Variants in TBC1D1 observed in about 807,000 individuals in gnomAD.
TBC1D1 encodes TBC1 domain family member 1.
TBC1D1 carries 89 observed loss-of-function variants against 125.6 expected under a neutral mutation model. The observed-to-expected ratio is 0.71, with a 90% CI of 0.60 to 0.85. The LOEUF is 0.85. Ranked by LOEUF, TBC1D1 falls within the 40% of genes least tolerant of loss-of-function variation. TBC1D1 has a pLI of 0.00. For missense variants in TBC1D1, 1,377 were observed against 1,469.2 expected, an observed-to-expected ratio of 0.94 and a Z score of 1.03; for synonymous variants, 565 against 564.1, an observed-to-expected ratio of 1.00 and a Z score of -0.02.
At chr4:38,025,944 C>A (rs1457705127) in intron 6 of TBC1D1, among the ~76,000 whole-genome samples, 1 of 152,136 alleles carries the variant, frequency 6.6e-6, no homozygotes, top group Admixed American at 6.5e-5. Flanking sequence ...GAGTGTCAGG[C>A]GACTTGGCTC....
At chr4:38,094,726 T>TAGCA (rs1759029978) in intron 13 of TBC1D1, among the ~76,000 whole-genome samples, 1 of 151,668 alleles carries the variant, frequency 6.6e-6, no homozygotes, top group African/African-American at 2.4e-5. Flanking sequence ...GACGTGCTTG[T>TAGCA]AGCAGCCTTA....
chr4:38,092,609 C>G (rs958191432), intron 13 of TBC1D1, among the ~76,000 whole-genome samples: 3 of 151,780 alleles, frequency 2.0e-5, no homozygotes, highest in African/African-American at 7.3e-5. Context: ...GTTGTGCACA[C>G]CTGTAATCCC....
chr4:38,021,170 G>T (rs1025912793), intron 5 of TBC1D1, among the ~76,000 whole-genome samples: 1 of 152,186 alleles, frequency 6.6e-6, no homozygotes, highest in Admixed American at 6.5e-5. Flanking sequence ...ATGGCAGCAG[G>T]CAGGGCAGCG....
Position 37,970,321 on chromosome 4 carries a change from A to G in TBC1D1, c.418-44188A>G, listed in dbSNP as rs554022313. On this transcript the variant is annotated intron_variant, in intron 2 of 19. Transcript: ENST00000261439. ...CAAATATGGGTTTCTTTGGAAACAA[A>G]TTTTTCTGTTTGTAAGAGATGATTG... 1.2e-4 allele frequency among the ~76,000 whole-genome samples: 18 copies of G among 152,314 alleles called. No homozygotes were observed. The South Asian group carries it at 2.5e-3, about 21-fold the overall frequency.
intron 2 of TBC1D1, among the ~76,000 whole-genome samples, chr4:37,974,611 G>A (rs1029528142): frequency 6.6e-6 from 1 of 151,998 alleles, no homozygotes; most frequent in African/African-American, 2.4e-5. Context: ...AGGCTGGAGT[G>A]CAGTGGCATG....
chr4:38,045,977 C>A lies in TBC1D1; in HGVS notation c.1629+74C>A, dbSNP rs533588420. On this transcript the variant is annotated intron_variant, in intron 10 of 19. Transcript: ENST00000261439. Reference sequence around the variant, plus strand: ...GTCTTGCTCATCTCCTGTCTACATACCTCCAATCATAAAACGTTTGCTGCT... The same window carrying A: ...GTCTTGCTCATCTCCTGTCTACATAACTCCAATCATAAAACGTTTGCTGCT... 9 of 1,299,352 alleles carry A rather than the reference C, an allele frequency of 6.9e-6. No individual in the cohort carries two copies. In the East Asian group the frequency reaches 2.1e-4, roughly 30 times the overall value. 80.5% of individuals were successfully genotyped at this position (1,299,352 alleles called of 1,614,324 possible). A position where few individuals can be genotyped will look rare whatever the true frequency, so the allele number is the denominator to read the frequency against.
At chr4:38,107,105 A>G (rs1217008019) in intron 15 of TBC1D1, among the ~76,000 whole-genome samples, 1 of 152,096 alleles carries the variant, frequency 6.6e-6, no homozygotes, top group Non-Finnish European at 1.5e-5. Context: ...GTGTGAGGCA[A>G]TGCATTTCCC....
chr4:37,898,101 A>G (rs982750672), intron 1 of TBC1D1, among the ~76,000 whole-genome samples: 5 of 152,250 alleles, frequency 3.3e-5, no homozygotes, highest in African/African-American at 4.8e-5. Flanking sequence ...TATATATTAT[A>G]CAGAAAAACA....
intron 2 of TBC1D1, among the ~76,000 whole-genome samples, chr4:37,996,610 T>C (rs947604878): frequency 1.3e-5 from 2 of 152,396 alleles, no homozygotes; most frequent in African/African-American, 4.8e-5. Context: ...ATGCAGTTAG[T>C]GCTGTAAAGC....
intron 2 of TBC1D1, among the ~76,000 whole-genome samples, chr4:37,930,202 G>C (rs898416375): frequency 6.6e-6 from 1 of 152,190 alleles, no homozygotes; most frequent in Non-Finnish European, 1.5e-5. Context: ...GTAAAAACAC[G>C]AGTGAATTCT....
At chr4:38,007,452 C>T (rs1265157234) in intron 2 of TBC1D1, among the ~76,000 whole-genome samples, 1 of 152,024 alleles carries the variant, frequency 6.6e-6, no homozygotes, top group Non-Finnish European at 1.5e-5. Flanking sequence ...GGGGTTTCAC[C>T]TTGTTGGTCA....
chr4:38,135,878 GTGTGTGTGTATATA>G (rs1484571502), intron 19 of TBC1D1, among the ~76,000 whole-genome samples: 28 of 151,268 alleles, frequency 1.9e-4, no homozygotes, highest in East Asian at 3.9e-4. Context: ...ATATATGTGT[GTGTGTGTGTATATA>G]TGTGTGTGTG....
intron 2 of TBC1D1, among the ~76,000 whole-genome samples, chr4:37,920,813 A>G (rs1361969591): frequency 6.6e-6 from 1 of 152,154 alleles, no homozygotes; most frequent in Non-Finnish European, 1.5e-5. Context: ...GGGAGTTTTA[A>G]GAATGGAGAC....
rs573076426 is a variant in TBC1D1 at position 38,078,620 on chromosome 4, T to C, written c.2051-11312T>C. Among the ~76,000 whole-genome samples the C allele has an allele frequency of 2.6e-5, 4 of 152,312 alleles. No individual in the cohort carries two copies. In the South Asian group the frequency reaches 8.3e-4, roughly 32 times the overall value. ...GGTAGAGACCCCAGAGCTTCCTCTC[T>C]CTTCACCCTGTGAGGATACAGCAAG... On this transcript the variant is annotated intron_variant, in intron 12 of 19. Coordinates refer to ENST00000261439, the MANE Select transcript of TBC1D1 (RefSeq NM_015173.4).
chr4:38,087,219 C>T (rs1421659099), intron 12 of TBC1D1, among the ~76,000 whole-genome samples: 2 of 152,182 alleles, frequency 1.3e-5, no homozygotes, highest in Non-Finnish European at 2.9e-5. Flanking sequence ...CAGTTGTCGT[C>T]CCCAAACAAT....
At chr4:38,052,335 G>GTT (rs66650664) in intron 11 of TBC1D1, among the ~76,000 whole-genome samples, 31 of 141,160 alleles carry the variant, frequency 2.2e-4, no homozygotes, top group Non-Finnish European at 3.6e-4. Flanking sequence ...GTTTGTGTTT[G>GTT]TTTTTTTTTT....
At chr4:38,063,560 A>G (rs1305137034) in intron 12 of TBC1D1, among the ~76,000 whole-genome samples, 3 of 152,214 alleles carry the variant, frequency 2.0e-5, no homozygotes, top group African/African-American at 7.2e-5. Flanking sequence ...AAAATGTACA[A>G]TTCAATGTTG....
At chr4:38,116,288 A>G (rs1235317866) in intron 16 of TBC1D1, among the ~76,000 whole-genome samples, 1 of 152,082 alleles carries the variant, frequency 6.6e-6, no homozygotes, top group Non-Finnish European at 1.5e-5. Flanking sequence ...CCCATCAGCC[A>G]TCAGATGATC....
At chr4:38,105,616 C>G (rs1218002060) in intron 15 of TBC1D1, among the ~76,000 whole-genome samples, 1 of 152,108 alleles carries the variant, frequency 6.6e-6, no homozygotes, top group African/African-American at 2.4e-5. Context: ...CCAGGAGTCC[C>G]TGGTGTCTGT....
Sources: gnomAD v4.1 joint callset for allele counts (sites outside exome capture counted in the v4.1 genomes callset) on GRCh38, gnomAD v4.1.1 for gene constraint, MANE v1.5 for transcripts, NCBI Gene and HGNC (gene_info 2026-07-23, HGNC 2026-07-21) for gene names.